Variants in SLC30A9 observed in about 807,000 individuals in gnomAD.
The protein encoded by SLC30A9 is solute carrier family 30 member 9, also known as proton-coupled zinc antiporter SLC30A9, mitochondrial.
Under a neutral mutation model 87.5 loss-of-function variants are expected in SLC30A9, and 58 were observed. The ratio of observed to expected loss-of-function variants is 0.66; its 90% confidence interval spans 0.54 to 0.82. The LOEUF is 0.82. SLC30A9 is among the 40% of genes least tolerant of loss of function. The pLI is 0.00. For synonymous variants in SLC30A9, 234 were observed against 233.0 expected (o/e 1.00, Z -0.04); for missense variants, 557 against 679.1 (o/e 0.82, Z 2.00).
At position 42,065,363 on chromosome 4, in the gene SLC30A9, CA is replaced by C. The variant is rs774085286; in HGVS notation, c.1072+17del. 4.5e-5 allele frequency: 56 copies of C among 1,254,580 alleles called. No homozygotes were observed. The African/African-American group carries it at 7.6e-4, about 17-fold the overall frequency. 77.7% of individuals were successfully genotyped at this position (1,254,580 alleles called of 1,614,324 possible). A position where few individuals can be genotyped will look rare whatever the true frequency, so the allele number is the denominator to read the frequency against. ...TATCTGAAGGAGGTATGTACTGTCACAAAGTATGTCTCTATTCTTAATTTAG... is the reference window on the plus strand; with the variant it reads ...TATCTGAAGGAGGTATGTACTGTCACAAGTATGTCTCTATTCTTAATTTAG... On this transcript the variant is annotated intron_variant, in intron 12 of 17. Coordinates refer to ENST00000264451, the MANE Select transcript of SLC30A9 (RefSeq NM_006345.4).
chr4:42,056,492 T>C (rs1717618562), intron 9 of SLC30A9, among the ~76,000 whole-genome samples: 1 of 152,176 alleles, frequency 6.6e-6, no homozygotes, highest in Admixed American at 6.5e-5. Flanking sequence ...ACTTATTCAC[T>C]ATCACGAGAA....
chr4:42,039,741 G>A (rs1716843860), intron 8 of SLC30A9, among the ~76,000 whole-genome samples: 1 of 152,072 alleles, frequency 6.6e-6, no homozygotes, highest in African/African-American at 2.4e-5. Context: ...GATTACAGGT[G>A]TGAGCCACTG....
intron 7 of SLC30A9, among the ~76,000 whole-genome samples, chr4:42,037,392 T>C (rs750670756): frequency 2.0e-5 from 3 of 151,916 alleles, no homozygotes; most frequent in Non-Finnish European, 4.4e-5. Context: ...TAATTTCTTA[T>C]ATAATAATTT....
At chr4:42,014,551 G>A (rs1407265509) in intron 2 of SLC30A9, among the ~76,000 whole-genome samples, 6 of 99,940 alleles carry the variant, frequency 6.0e-5, no homozygotes, top group African/African-American at 1.1e-4. Flanking sequence ...GCGAGACTCC[G>A]TCGCAAAAAA....
chr4:42,026,131 A>T (rs1275357855), intron 6 of SLC30A9, among the ~76,000 whole-genome samples: 3 of 152,334 alleles, frequency 2.0e-5, no homozygotes, highest in Middle Eastern at 6.8e-3. Flanking sequence ...TGTCTAGCTG[A>T]CAATCCACAG....
intron 8 of SLC30A9, among the ~76,000 whole-genome samples, chr4:42,044,303 T>G (rs1011206076): frequency 4.1e-5 from 6 of 146,350 alleles, no homozygotes; most frequent in African/African-American, 1.6e-4. Context: ...GTGTGCTGCA[T>G]GCAGGAGACC....
intron 9 of SLC30A9, among the ~76,000 whole-genome samples, chr4:42,056,124 G>GAA (rs1560553724): frequency 1.3e-5 from 2 of 152,080 alleles, no homozygotes; most frequent in African/African-American, 2.4e-5. Flanking sequence ...TTATAAAATA[G>GAA]TTGACGGTAT....
At chr4:42,038,835 A>G (rs991905189) in intron 7 of SLC30A9, 151 bp from the exon 8 acceptor site, 1 of 570,764 alleles carries the variant, frequency 1.8e-6, no homozygotes, top group Non-Finnish European at 3.2e-6. Flanking sequence ...TAATCTTTCC[A>G]CTTTCTAAAC....
At chr4:41,998,564 A>G (rs1714837876) in intron 1 of SLC30A9, among the ~76,000 whole-genome samples, 1 of 151,838 alleles carries the variant, frequency 6.6e-6, no homozygotes, top group African/African-American at 2.4e-5. Flanking sequence ...CCCGGGTTCA[A>G]GCGATTCTCC....
At chr4:42,060,334 T>C in intron 10 of SLC30A9, 88 bp downstream of exon 10, 1 of 981,108 alleles carries the variant, frequency 1.0e-6, no homozygotes, top group East Asian at 2.4e-5. Flanking sequence ...GCAATTTATG[T>C]ACCTGCAGTT....
At chr4:42,036,881 T>G (rs1197634957) in intron 7 of SLC30A9, among the ~76,000 whole-genome samples, 3 of 152,182 alleles carry the variant, frequency 2.0e-5, no homozygotes, top group Admixed American at 6.5e-5. Context: ...TTGCCTCTTG[T>G]GCTGGGATAA....
chr4:42,002,238 T>G (rs534333106), intron 2 of SLC30A9, among the ~76,000 whole-genome samples: 3 of 152,170 alleles, frequency 2.0e-5, no homozygotes, highest in Non-Finnish European at 2.9e-5. Flanking sequence ...TGCCTTTTTT[T>G]GGGTTTGTTC....
chr4:42,004,356 A>G (rs908666719), intron 2 of SLC30A9, among the ~76,000 whole-genome samples: 1 of 152,004 alleles, frequency 6.6e-6, no homozygotes, highest in Non-Finnish European at 1.5e-5. Context: ...GAGGATTGAT[A>G]TTTTTCTACA....
intron 7 of SLC30A9, among the ~76,000 whole-genome samples, chr4:42,035,738 C>T (rs1052407003): frequency 4.0e-5 from 6 of 149,450 alleles, no homozygotes; most frequent in East Asian, 4.1e-4. Flanking sequence ...TCAGGTGATG[C>T]GCCTGCCTCG....
chr4:42,049,761 G>C (rs1471022105), intron 9 of SLC30A9, among the ~76,000 whole-genome samples: 1 of 152,100 alleles, frequency 6.6e-6, no homozygotes, highest in African/African-American at 2.4e-5. Flanking sequence ...GACTGTAATA[G>C]TCAATGAATT....
intron 2 of SLC30A9, among the ~76,000 whole-genome samples, chr4:42,012,520 T>C (rs999926107): frequency 2.6e-5 from 4 of 152,194 alleles, no homozygotes; most frequent in Non-Finnish European, 5.9e-5. Flanking sequence ...CATGAGATGT[T>C]GTGATACGGG....
chr4:42,001,496 C>A, intron 1 of SLC30A9, 120 bp from the exon 2 acceptor site: 1 of 514,238 alleles, frequency 1.9e-6, no homozygotes, highest in Non-Finnish European at 3.4e-6. Context: ...TTTTTCTTTA[C>A]AAAATGGTAT....
chr4:42,014,108 G>A (rs532536872), intron 2 of SLC30A9, among the ~76,000 whole-genome samples: 1 of 152,024 alleles, frequency 6.6e-6, no homozygotes, highest in Admixed American at 6.5e-5. Context: ...CATGCAAGTG[G>A]CAAAAAAAGG....
In SLC30A9 at chr4:42,090,262, T is replaced by G. The variant is rs1374031516; in HGVS notation, c.*4136T>G. The stretch of plus-strand genomic sequence containing the variant: ...CTCTGAAATGGAACTTTGGAAGCCA[T>G]TTATATAGATTAGTCTGACAGCCTT... On this transcript the variant is annotated 3_prime_UTR_variant, in exon 18 of 18. Transcript: ENST00000264451. 2 of 152,252 alleles carry G rather than the reference T, an allele frequency of 1.3e-5. No individual in the cohort carries two copies. Among genetic ancestry groups the G allele is most frequent in the Non-Finnish European group, 2.9e-5 (2 of 68,038 alleles). 9.4% of individuals were successfully genotyped at this position (152,252 alleles called of 1,614,324 possible).
Sources: allele counts gnomAD v4.1 joint callset (sites outside exome capture counted in the v4.1 genomes callset), GRCh38; gene constraint gnomAD v4.1.1; transcripts MANE v1.5; gene names NCBI Gene and HGNC (gene_info 2026-07-23, HGNC 2026-07-21).